The following NKTR variants were observed in gnomAD, a reference collection of about 807,000 sequenced individuals.
The protein encoded by NKTR is natural killer cell triggering receptor.
A neutral mutation model predicts 156.3 loss-of-function variants in NKTR; 67 were observed. The ratio of observed to expected loss-of-function variants is 0.43; its 90% CI spans 0.35 to 0.53. NKTR has a LOEUF of 0.53. Among genes scored for constraint, NKTR ranks in the 20% least tolerant of loss-of-function variants. NKTR has a pLI of 0.01. For synonymous variants in NKTR, 640 were observed against 596.6 expected (o/e 1.07, Z -1.06); for missense variants, 1,604 against 1,730.9 (o/e 0.93, Z 1.30).
chr3:42,619,388 A>G (rs1192634808), intron 4 of NKTR: 1 of 1,196,336 alleles, frequency 8.4e-7, no homozygotes, highest in African/African-American at 1.6e-5. Context: ...TGAATGCCAA[A>G]GTACTGTCTG....
At position 42,637,362 on chromosome 3, in the gene NKTR, C is replaced by G. The variant is rs781635002; in HGVS notation, c.1658C>G (p.Ser553Cys). 1.2e-6 allele frequency: 2 copies of G among 1,614,114 alleles called. No homozygotes were observed. The highest frequency in any genetic ancestry group is 3.3e-5 in the Admixed American group (2 of 60,034). ...SHSRSRSKSR[S>C]SSKSGHRKRA... ...TCTCGAAGTAGATCAAAGTCCAGATCTAGTTCCAAGTCTGGGCACCGAAAG... is the reference window on the plus strand; with the variant it reads ...TCTCGAAGTAGATCAAAGTCCAGATGTAGTTCCAAGTCTGGGCACCGAAAG... The change falls in exon 13 of 17, where the codon TCT becomes TGT. Residue 553 changes from serine to cysteine, a missense_variant. Transcript: ENST00000232978.
Position 42,639,235 on chromosome 3 carries a change from A to C in NKTR, c.3531A>C (p.Lys1177Asn). ...ATEHPQAEVV[K>N]QESSMSESKV... ...AACATCCTCAAGCAGAGGTAGTAAA[A>C]CAGGAAAGCAGCATGTCCGAAAGTA... is the stretch of plus-strand genomic sequence containing the variant. Residue 1177 changes from lysine (K) to asparagine (N), a missense_variant, in exon 13 of 17, where the codon AAA becomes AAC. Around this residue, in one of 6 missense-constraint regions of NKTR, gnomAD observed 1,255 missense variants for 1,243.7 expected, o/e 1.01. Coordinates refer to ENST00000232978, the MANE Select transcript of NKTR (RefSeq NM_005385.4). 5.0e-6 allele frequency: 8 copies of C among 1,614,188 alleles called. No homozygotes were observed. Among genetic ancestry groups the C allele is most frequent in the African/African-American group, 1.3e-5 (1 of 75,034 alleles).
chr3:42,603,343 G>A (rs965941959), intron 2 of NKTR, among the ~76,000 whole-genome samples: 2 of 123,966 alleles, frequency 1.6e-5, no homozygotes, highest in Admixed American at 1.1e-4. Flanking sequence ...TTGGTCAACA[G>A]AGCAAGATCT....
intron 13 of NKTR, among the ~76,000 whole-genome samples, chr3:42,640,129 TTTAC>T (rs1709759994): frequency 6.6e-6 from 1 of 152,178 alleles, no homozygotes; most frequent in African/African-American, 2.4e-5. Flanking sequence ...AACCTTCCAT[TTTAC>T]ACATGTGGAA....
chr3:42,616,557 G>A (rs1707385673), intron 2 of NKTR, among the ~76,000 whole-genome samples: 2 of 152,084 alleles, frequency 1.3e-5, no homozygotes, highest in South Asian at 4.1e-4. Flanking sequence ...CATTTAATAT[G>A]GTATATAGCA....
chr3:42,626,819 G>C (rs895883234), intron 6 of NKTR, among the ~76,000 whole-genome samples: 1 of 151,854 alleles, frequency 6.6e-6, no homozygotes, highest in Non-Finnish European at 1.5e-5. Flanking sequence ...ACTGGTCCTG[G>C]GCATTCAGAT....
intron 2 of NKTR, among the ~76,000 whole-genome samples, chr3:42,615,366 A>T (rs966172234): frequency 6.7e-6 from 1 of 149,076 alleles, no homozygotes; most frequent in Non-Finnish European, 1.5e-5. Flanking sequence ...GGCGTGAGCC[A>T]CCATGCCTGG....
At position 42,636,746 on chromosome 3, in the gene NKTR, C is replaced by T. The variant is rs1309996615; in HGVS notation, c.1164-122C>T. On this transcript the variant is annotated intron_variant, in intron 12 of 16. Coordinates refer to ENST00000232978, the MANE Select transcript of NKTR (RefSeq NM_005385.4). Reference sequence around the variant, plus strand: ...AGACCAGGCCTATAACTCTGATTCACGCTTCCTGCGTGTGCTTAAAGTGTT... The same window carrying T: ...AGACCAGGCCTATAACTCTGATTCATGCTTCCTGCGTGTGCTTAAAGTGTT... The T allele has an allele frequency of 1.6e-5, 21 of 1,350,442 alleles. No homozygotes were observed. The Admixed American group carries it at 2.2e-4, about 14-fold the overall frequency. 83.7% of individuals were successfully genotyped at this position (1,350,442 alleles called of 1,614,324 possible).
intron 14 of NKTR, 139 bp downstream of exon 14, chr3:42,642,735 T>C: frequency 9.1e-6 from 6 of 658,146 alleles, no homozygotes. Flanking sequence ...TGTAGTTTTT[T>C]CTATGTAAGA....
chr3:42,617,288 C>T (rs566726353), intron 2 of NKTR, among the ~76,000 whole-genome samples: 6 of 152,184 alleles, frequency 3.9e-5, no homozygotes, highest in South Asian at 2.1e-4. Flanking sequence ...AACTATACTA[C>T]GAGGAATCTA....
At chr3:42,610,271 G>T (rs1314117658) in intron 2 of NKTR, among the ~76,000 whole-genome samples, 3 of 152,100 alleles carry the variant, frequency 2.0e-5, no homozygotes, top group Non-Finnish European at 4.4e-5. Context: ...CTCCCAAAGT[G>T]CTGGGATTAT....
chr3:42,639,146 C>T lies in NKTR; in HGVS notation c.3442C>T (p.Leu1148=). ...AGCAAAAGTAGAGGAGACTTCCCCT[C>T]TAGGAAATGCACGGCTTGATACCCC... is the stretch of plus-strand genomic sequence containing the variant. The part of the protein sequence containing the change: ...SPAKVEETSP[L]GNARLDTPDI... The change falls in exon 13 of 17, where the codon CTA becomes TTA. Residue 1148 remains leucine (L), a synonymous_variant. Coordinates refer to ENST00000232978, the MANE Select transcript of NKTR (RefSeq NM_005385.4). 1 of 1,614,124 alleles carries T rather than the reference C, an allele frequency of 6.2e-7. No homozygotes were observed. Among genetic ancestry groups the T allele is most frequent in the Non-Finnish European group, 8.5e-7 (1 of 1,179,982 alleles).
intron 2 of NKTR, 58 bp downstream of exon 2, chr3:42,601,122 G>T (rs530978305): frequency 2.1e-6 from 3 of 1,406,616 alleles, no homozygotes; most frequent in Admixed American, 4.6e-5. Flanking sequence ...CGAAGGGGAG[G>T]GGTCTACCCT....
chr3:42,630,625 A>C, intron 7 of NKTR, 50 bp downstream of exon 7: 1 of 1,612,250 alleles, frequency 6.2e-7, no homozygotes, highest in Non-Finnish European at 8.5e-7. Flanking sequence ...GTGGCCAGCC[A>C]TAAAGAGAGA....
In NKTR at chr3:42,633,751, A is replaced by G; in HGVS notation, c.929+16A>G. 2 of 1,613,542 alleles carry G rather than the reference A, an allele frequency of 1.2e-6. No individual in the cohort carries two copies. Among genetic ancestry groups the G allele is most frequent in the Non-Finnish European group, 1.7e-6 (2 of 1,179,668 alleles). ...AACCTGAACCGTAAGTAGGATGACT[A>G]AACTATTTATTTTTATTTCTCCGAT... On this transcript the variant is annotated intron_variant, in intron 10 of 16. Coordinates refer to ENST00000232978, the MANE Select transcript of NKTR (RefSeq NM_005385.4).
chr3:42,617,391 A>AAATC lies in NKTR; in HGVS notation c.59-177_59-176insTCAA, dbSNP rs534928411. 2.0e-3 allele frequency among the ~76,000 whole-genome samples: 307 copies of AAATC among 152,342 alleles called. 1 individual carries two copies. Among genetic ancestry groups the AAATC allele is most frequent in the African/African-American group, 7.0e-3 (292 of 41,580 alleles). On this transcript the variant is annotated intron_variant, in intron 2 of 16. Transcript: ENST00000232978. ...CATGTAAATTTTAACAATAACAAATAAAATGGTGTTCTTGTTCATAGGTAT... is the reference window on the plus strand; with the variant it reads ...CATGTAAATTTTAACAATAACAAATAAATCAAATGGTGTTCTTGTTCATAGGTAT...
chr3:42,626,920 A>G (rs561216597), intron 6 of NKTR, among the ~76,000 whole-genome samples: 5 of 152,244 alleles, frequency 3.3e-5, no homozygotes, highest in African/African-American at 7.2e-5. Flanking sequence ...AAGGAAATGT[A>G]ATATGTTAAT....
chr3:42,617,634 C>T lies in NKTR; in HGVS notation c.123C>T (p.Cys41=). The change falls in exon 3 of 17, where the codon TGC becomes TGT. Residue 41 remains cysteine (C), a synonymous_variant. Transcript: ENST00000232978. ...CAAAAACATGCAAAAACTTCCTTTG[C>T]TTGTGCTCAGGTAAGTGAATTATTA... The part of the protein sequence containing the change: ...ICPKTCKNFL[C]LCSGEKGLGK... 3 of 1,579,772 alleles carry T rather than the reference C, an allele frequency of 1.9e-6. No individual in the cohort carries two copies. The highest frequency in any genetic ancestry group is 2.6e-6 in the Non-Finnish European group (3 of 1,149,218).
Position 42,639,409 on chromosome 3 carries a change from G to GGCA in NKTR, c.3709_3711dup (p.Ala1237dup). On this transcript the variant is annotated inframe_insertion, in exon 13 of 17. Transcript: ENST00000232978. ...AGCCCCTGCAAGGTGTGGGGAACCT[G>GGCA]GCAGCACCTAATGCTGCCACATCCA... The GGCA allele has an allele frequency of 1.2e-6, 2 of 1,613,994 alleles. No homozygotes were observed. Among genetic ancestry groups the GGCA allele is most frequent in the South Asian group, 2.2e-5 (2 of 91,076 alleles).
Sources: gnomAD v4.1 joint callset for allele counts (sites outside exome capture counted in the v4.1 genomes callset) on GRCh38, gnomAD v4.1.1 for gene constraint, gnomAD v4.1.1 regional missense constraint, MANE v1.5 for transcripts, NCBI Gene and HGNC (gene_info 2026-07-23, HGNC 2026-07-21) for gene names.